CACNG7: variants seen among roughly 807,000 people sequenced by gnomAD.
CACNG7 encodes the protein calcium voltage-gated channel auxiliary subunit gamma 7.
In CACNG7, 9 loss-of-function variants were observed where a neutral mutation model predicts 26.3. That is an observed-to-expected ratio of 0.34 (90% CI 0.21 to 0.60). CACNG7 has a LOEUF of 0.60. Ranked by LOEUF, CACNG7 falls within the 20% of genes least tolerant of loss-of-function variation. The probability of loss-of-function intolerance (pLI) is 0.81; values close to 1 mark genes in which losing one functional copy is unlikely to be tolerated. For missense variants in CACNG7, 297 were observed against 380.4 expected, an observed-to-expected ratio of 0.78 and a Z score of 1.82; for synonymous variants, 170 against 157.0, an observed-to-expected ratio of 1.08 and a Z score of -0.62.
intron 4 of CACNG7, among the ~76,000 whole-genome samples, chr19:53,935,065 TAC>T (rs2069096675): frequency 6.6e-6 from 1 of 150,506 alleles, no homozygotes; most frequent in Admixed American, 6.6e-5. Context: ...TACCTATGTA[TAC>T]ACACGTTATA....
intron 4 of CACNG7, among the ~76,000 whole-genome samples, chr19:53,917,637 C>T (rs747531204): frequency 3.9e-5 from 6 of 152,118 alleles, no homozygotes; most frequent in East Asian, 1.9e-4. Flanking sequence ...AAATAAGACA[C>T]GGAGAATATC....
At chr19:53,929,735 G>A (rs1236389495) in intron 4 of CACNG7, among the ~76,000 whole-genome samples, 1 of 152,050 alleles carries the variant, frequency 6.6e-6, no homozygotes, top group Non-Finnish European at 1.5e-5. Flanking sequence ...GAACCACCAC[G>A]CCCAGCCTAT....
chr19:53,916,635 T>A (rs1337114519), intron 4 of CACNG7, among the ~76,000 whole-genome samples: 2 of 150,622 alleles, frequency 1.3e-5, no homozygotes, highest in Admixed American at 6.6e-5. Context: ...ATTACAGGCA[T>A]GTGCCACTAC....
intron 2 of CACNG7, among the ~76,000 whole-genome samples, chr19:53,913,628 A>G (rs1408501394): frequency 3.3e-5 from 5 of 150,888 alleles, no homozygotes; most frequent in African/African-American, 1.2e-4. Flanking sequence ...ACTCCATCTC[A>G]CTCTCCCTAG....
Position 53,930,074 on chromosome 19 carries a change from C to CAAAAAAAAA in CACNG7, c.425-11385_425-11377dup, listed in dbSNP as rs35004784. 2.2e-5 allele frequency among the ~76,000 whole-genome samples: 2 copies of CAAAAAAAAA among 92,570 alleles called. 1 individual carries two copies. The highest frequency in any genetic ancestry group is 4.6e-5 in the Non-Finnish European group (2 of 43,630). The allele number at this position is 92,570 out of a possible 152,430, so 60.7% of individuals were successfully genotyped here. A position where few individuals can be genotyped will look rare whatever the true frequency, so the allele number is the denominator to read the frequency against. Reference sequence around the variant, plus strand: ...TAATGTTAGATGGTGCTACATGCTACAAAAAAAAAAAAAAAAAAAGCAGGT... The same window carrying CAAAAAAAAA: ...TAATGTTAGATGGTGCTACATGCTACAAAAAAAAAAAAAAAAAAAAAAAAAAAAGCAGGT... On this transcript the variant is annotated intron_variant, in intron 4 of 5. Coordinates refer to ENST00000391767, the MANE Select transcript of CACNG7 (RefSeq NM_031896.5).
At chr19:53,924,008 T>C (rs1485164857) in intron 4 of CACNG7, among the ~76,000 whole-genome samples, 7 of 114,038 alleles carry the variant, frequency 6.1e-5, no homozygotes, top group Non-Finnish European at 1.1e-4. Flanking sequence ...GGTGGAGTTG[T>C]CCCCAGGCCT....
chr19:53,937,936 G>A (rs1196538738), intron 4 of CACNG7, among the ~76,000 whole-genome samples: 3 of 152,064 alleles, frequency 2.0e-5, no homozygotes, highest in African/African-American at 7.2e-5. Flanking sequence ...AGAGATCTAA[G>A]TGACAGAAAT....
rs868041895 is a variant in CACNG7, at chr19:53,922,175, T to C, written c.424+6670T>C. 4.5e-4 allele frequency among the ~76,000 whole-genome samples: 43 copies of C among 94,584 alleles called. 2 individuals carry two copies. Among genetic ancestry groups the C allele is most frequent in the Middle Eastern group, 0.014 (2 of 144 alleles). 62.1% of individuals were successfully genotyped at this position (94,584 alleles called of 152,430 possible). A position where few individuals can be genotyped will look rare whatever the true frequency, so the allele number is the denominator to read the frequency against. On this transcript the variant is annotated intron_variant, in intron 4 of 5. Transcript: ENST00000391767. ...CCAGGTCTGGTCATTGGTGGAGTTG[T>C]CCCAGGCTGGTCATTGGTGGAGTTG...
In CACNG7 at chr19:53,942,455, G is replaced by T; in HGVS notation, c.*162G>T. On this transcript the variant is annotated 3_prime_UTR_variant, in exon 6 of 6. Transcript: ENST00000391767. The surrounding 1 kb of genome is among the most constrained non-coding windows in gnomAD (Gnocchi z 5.9). ...CCTCCTCCCAATGGCTCCGCCCACA[G>T]ACTCCCTTATTTCAATGGCCGCGCC... The T allele has an allele frequency of 6.8e-7, 1 of 1,473,240 alleles. No individual in the cohort carries two copies. The highest frequency in any genetic ancestry group is 8.9e-7 in the Non-Finnish European group (1 of 1,118,876). 91.3% of individuals were successfully genotyped at this position (1,473,240 alleles called of 1,614,324 possible).
At chr19:53,921,695 GT>G (rs66501382) in intron 4 of CACNG7, among the ~76,000 whole-genome samples, 10 of 107,120 alleles carry the variant, frequency 9.3e-5, no homozygotes, top group Non-Finnish European at 1.4e-4. Context: ...CTTGCCCCAG[GT>G]CTGGTCATTG....
chr19:53,914,600 G>C lies in CACNG7; in HGVS notation c.283+14G>C, dbSNP rs879010434. 1 of 1,609,268 alleles carries C rather than the reference G, an allele frequency of 6.2e-7. No homozygotes were observed. Among genetic ancestry groups the C allele is most frequent in the South Asian group, 1.1e-5 (1 of 91,004 alleles). On this transcript the variant is annotated intron_variant, in intron 3 of 5. Coordinates refer to ENST00000391767, the MANE Select transcript of CACNG7 (RefSeq NM_031896.5). ...AGAATATTCTGAGTGAGGGGATGTG[G>C]GGGCACCTAGGCACAAGACAGCAAG...
chr19:53,923,716 GTCTGGTCATTGGTGGAGTTGCCCCAGGT>G (rs2068990071), intron 4 of CACNG7, among the ~76,000 whole-genome samples: 2 of 129,422 alleles, frequency 1.5e-5, no homozygotes, highest in Non-Finnish European at 3.2e-5. Context: ...GTTGTCCCAG[GTCTGGTCATTGGTGGAGTTGCCCCAGGT>G]CTGGTCATTG....
chr19:53,921,617 GGTCATTGGTGGAGTCGT>G, intron 4 of CACNG7, among the ~76,000 whole-genome samples: 2 of 85,988 alleles, frequency 2.3e-5, no homozygotes, highest in Non-Finnish European at 2.1e-5. Flanking sequence ...CCCCAGGTCT[GGTCATTGGTGGAGTCGT>G]CCCCAGGTCT....
In CACNG7 at chr19:53,941,616, G is replaced by A; in HGVS notation, c.570+1G>A. On this transcript the variant is annotated splice_donor_variant, in intron 5 of 5. Transcript: ENST00000391767. LOFTEE classifies it high-confidence loss of function. ...CGCTTCCTCCTTCCTACTCAAAGAG[G>A]TGACGTCCGTGGGACCTAGACTCTA... The A allele has an allele frequency of 6.2e-7, 1 of 1,611,028 alleles. No individual in the cohort carries two copies. The highest frequency in any genetic ancestry group is 8.5e-7 in the Non-Finnish European group (1 of 1,178,848).
chr19:53,914,722 C>G, intron 3 of CACNG7, 136 bp downstream of exon 3: 2 of 751,056 alleles, frequency 2.7e-6, no homozygotes, highest in Non-Finnish European at 2.3e-6. Flanking sequence ...GCAGAATGGG[C>G]CAGGCATGGT....
rs564626576 is a variant in CACNG7 at position 53,916,493 on chromosome 19, T to C, written c.424+988T>C. On this transcript the variant is annotated intron_variant, in intron 4 of 5. Coordinates refer to ENST00000391767, the MANE Select transcript of CACNG7 (RefSeq NM_031896.5). ...ATGCCTTTTTTCTTTCTTTCTTTTT[T>C]TTTTTTTTTTTTTTGACTGAGTTTT... Among the ~76,000 whole-genome samples the C allele has an allele frequency of 6.9e-5, 10 of 145,766 alleles. 1 individual carries two copies. The East Asian group carries it at 9.8e-4, about 14-fold the overall frequency.
chr19:53,916,528 G>C (rs531841342), intron 4 of CACNG7, among the ~76,000 whole-genome samples: 1 of 76,276 alleles, frequency 1.3e-5, no homozygotes, highest in South Asian at 3.8e-4. Flanking sequence ...TGCTCTTGTT[G>C]CCCAGGCTGG....
chr19:53,933,753 G>A (rs931573336), intron 4 of CACNG7, among the ~76,000 whole-genome samples: 4 of 149,378 alleles, frequency 2.7e-5, no homozygotes, highest in Non-Finnish European at 5.9e-5. Flanking sequence ...CAGATTGTCT[G>A]ATTGTCTCTC....
intron 2 of CACNG7, among the ~76,000 whole-genome samples, chr19:53,914,290 A>AAAAAG (rs1555809773): frequency 7.3e-4 from 74 of 101,676 alleles, no homozygotes; most frequent in African/African-American, 2.3e-3. Context: ...AAAAAAAAGA[A>AAAAAG]AAAAAGAAAA....
Sources: allele counts gnomAD v4.1 joint callset (sites outside exome capture counted in the v4.1 genomes callset), GRCh38; gene constraint gnomAD v4.1.1; non-coding constraint Gnocchi (gnomAD v3.1); transcripts MANE v1.5; gene names NCBI Gene and HGNC (gene_info 2026-07-23, HGNC 2026-07-21).